RORA: variants seen among roughly 807,000 people sequenced by gnomAD.
RORA encodes nuclear receptor ROR-alpha.
Under a neutral mutation model 69.5 loss-of-function variants are expected in RORA, and 7 were observed. That is an observed-to-expected ratio of 0.10 (90% confidence interval 0.06 to 0.19). RORA has a LOEUF of 0.19. Among genes scored for constraint, RORA ranks in the 10% least tolerant of loss-of-function variants. The probability of loss-of-function intolerance (pLI) is 1.00; values close to 1 mark genes in which losing one functional copy is unlikely to be tolerated. For synonymous variants in RORA, 261 were observed against 240.8 expected (o/e 1.08, Z -0.78); for missense variants, 457 against 663.0 (o/e 0.69, Z 3.41).
chr15:60,977,015 T>C (rs1161392926), intron 1 of RORA, among the ~76,000 whole-genome samples: 2 of 151,622 alleles, frequency 1.3e-5, no homozygotes, highest in African/African-American at 4.9e-5. Flanking sequence ...CTGACACACA[T>C]ATGATTAGTA....
intron 1 of RORA, among the ~76,000 whole-genome samples, chr15:60,899,304 G>A (rs776793180): frequency 6.6e-6 from 1 of 152,174 alleles, no homozygotes; most frequent in Non-Finnish European, 1.5e-5. Flanking sequence ...ACCTGGGCAT[G>A]TCAAAAGCAC....
intron 2 of RORA, among the ~76,000 whole-genome samples, chr15:60,563,222 C>T (rs1414810977): frequency 2.6e-5 from 4 of 152,192 alleles, no homozygotes; most frequent in African/African-American, 9.7e-5. Flanking sequence ...TTAGCATCCA[C>T]TAAGTGCAAG....
chr15:60,818,295 T>C (rs1455963678), intron 1 of RORA, among the ~76,000 whole-genome samples: 2 of 152,150 alleles, frequency 1.3e-5, no homozygotes, highest in East Asian at 1.9e-4. Flanking sequence ...AATAAAATCA[T>C]CCTTAAATTT....
chr15:61,134,976 T>C (rs1013810601), intron 1 of RORA, among the ~76,000 whole-genome samples: 3 of 151,768 alleles, frequency 2.0e-5, no homozygotes, highest in Non-Finnish European at 4.4e-5. Context: ...CCTGAGAGAT[T>C]TCAAGCAAAC....
At position 61,212,608 on chromosome 15, in the gene RORA, T is replaced by A. The variant is rs575954856; in HGVS notation, c.166+16445A>T. On this transcript the variant is annotated intron_variant, in intron 1 of 10. Transcript: ENST00000335670. ...GGTTTCACCATATTGGCCAGGGTGG[T>A]CTTGAACTCCTGACCTCAGGTGATC... is the stretch of plus-strand genomic sequence containing the variant. Among the ~76,000 whole-genome samples, 18 of 152,230 alleles carry A rather than the reference T, an allele frequency of 1.2e-4. No individual in the cohort carries two copies. The East Asian group carries it at 2.9e-3, about 25-fold the overall frequency.
intron 1 of RORA, among the ~76,000 whole-genome samples, chr15:61,031,455 C>T (rs1235369363): frequency 6.6e-6 from 1 of 152,158 alleles, no homozygotes; most frequent in African/African-American, 2.4e-5. Flanking sequence ...CAGGACTTGA[C>T]TTAGCTCAGC....
At chr15:61,044,166 G>A (rs941417518) in intron 1 of RORA, among the ~76,000 whole-genome samples, 3 of 152,168 alleles carry the variant, frequency 2.0e-5, no homozygotes, top group African/African-American at 7.2e-5. Context: ...GGAAGAGACT[G>A]TGCTTGTGTC....
intron 1 of RORA, among the ~76,000 whole-genome samples, chr15:60,693,723 A>G (rs951246666): frequency 5.9e-5 from 9 of 152,216 alleles, no homozygotes; most frequent in Non-Finnish European, 7.3e-5. Context: ...ATACCTAGGA[A>G]TACATCTAAG....
chr15:60,796,659 T>C (rs919074363), intron 1 of RORA, among the ~76,000 whole-genome samples: 4 of 152,186 alleles, frequency 2.6e-5, no homozygotes, highest in African/African-American at 9.7e-5. Context: ...TATGATCATA[T>C]AATCCAGCAA....
chr15:60,843,657 T>C (rs767883447), intron 1 of RORA, among the ~76,000 whole-genome samples: 18 of 151,804 alleles, frequency 1.2e-4, no homozygotes, highest in Non-Finnish European at 2.1e-4. Context: ...ACTCTGACCG[T>C]GGCAAGCCAG....
chr15:61,053,320 C>T (rs911322481), intron 1 of RORA, among the ~76,000 whole-genome samples: 12 of 151,970 alleles, frequency 7.9e-5, no homozygotes, highest in Admixed American at 6.6e-4. Context: ...ACCCCCTTCC[C>T]GGGAGACTCC....
At chr15:60,570,466 G>C (rs2067847277) in intron 2 of RORA, among the ~76,000 whole-genome samples, 1 of 151,968 alleles carries the variant, frequency 6.6e-6, no homozygotes, top group African/African-American at 2.4e-5. Context: ...GAGTAGCTGG[G>C]ACTATAATGC....
chr15:60,717,277 A>C (rs2071232788), intron 1 of RORA, among the ~76,000 whole-genome samples: 1 of 152,160 alleles, frequency 6.6e-6, no homozygotes, highest in Non-Finnish European at 1.5e-5. Context: ...AGTTTCTGAG[A>C]ATTTTTCCCA....
At chr15:61,221,957 GAAAAAA>G (rs537077047) in intron 1 of RORA, among the ~76,000 whole-genome samples, 1 of 100,174 alleles carries the variant, frequency 1.0e-5, no homozygotes, top group Non-Finnish European at 2.2e-5. Context: ...ATCTCTTTAA[GAAAAAA>G]AAAAAAAAAC....
At chr15:60,516,673 T>C (rs1272616336) in intron 3 of RORA, among the ~76,000 whole-genome samples, 1 of 152,026 alleles carries the variant, frequency 6.6e-6, no homozygotes, top group East Asian at 1.9e-4. Flanking sequence ...GGCAGTTGTA[T>C]CAAAAATTTT....
intron 1 of RORA, among the ~76,000 whole-genome samples, chr15:60,953,738 T>C (rs1014992199): frequency 6.6e-6 from 1 of 151,806 alleles, no homozygotes; most frequent in African/African-American, 2.4e-5. Flanking sequence ...AAAACCACTA[T>C]GAGATACCAT....
At chr15:60,657,455 T>G (rs912682925) in intron 2 of RORA, among the ~76,000 whole-genome samples, 2 of 152,216 alleles carry the variant, frequency 1.3e-5, no homozygotes, top group African/African-American at 4.8e-5. Flanking sequence ...GTGGATTCCT[T>G]TGCCCCTGGA....
intron 2 of RORA, among the ~76,000 whole-genome samples, chr15:60,542,516 T>A (rs1443350560): frequency 1.3e-4 from 6 of 46,626 alleles, no homozygotes; most frequent in Non-Finnish European, 3.7e-5. Flanking sequence ...ATCTCACACA[T>A]GGCACACATG....
At chr15:61,070,832 A>G (rs2078331220) in intron 1 of RORA, among the ~76,000 whole-genome samples, 1 of 152,200 alleles carries the variant, frequency 6.6e-6, no homozygotes, top group African/African-American at 2.4e-5. Context: ...TGCTTGACAC[A>G]GGTTTTCATA....
Sources: gnomAD v4.1 joint callset for allele counts (sites outside exome capture counted in the v4.1 genomes callset) on GRCh38, gnomAD v4.1.1 for gene constraint, MANE v1.5 for transcripts, NCBI Gene and HGNC (gene_info 2026-07-23, HGNC 2026-07-21) for gene names.